ZNF846: variants seen among roughly 807,000 people sequenced by gnomAD.
The protein encoded by ZNF846 is zinc finger protein 846, also known as zinc finger protein 420 pseudogene.
Under a neutral mutation model 16.0 loss-of-function variants are expected in ZNF846, and 15 were observed. The observed-to-expected ratio is 0.94, with a 90% confidence interval of 0.63 to 1.45. ZNF846 has a LOEUF of 1.45. ZNF846 is among the 40% of genes most tolerant of loss of function. The pLI is 0.00. For synonymous variants in ZNF846, 229 were observed against 212.0 expected, an observed-to-expected ratio of 1.08 and a Z score of -0.70; for missense variants, 714 against 622.3, an observed-to-expected ratio of 1.15 and a Z score of -1.57.
At chr19:9,766,062 G>A (rs1341988346) in intron 1 of ZNF846, among the ~76,000 whole-genome samples, 2 of 152,112 alleles carry the variant, frequency 1.3e-5, no homozygotes, top group African/African-American at 2.4e-5. Context: ...GCATTATGCT[G>A]GTGAGGTGCA....
At chr19:9,758,213 C>T (rs373704864) in exon 6 of ZNF846, 1 of 1,612,964 alleles carries the variant, frequency 6.2e-7, no homozygotes, top group African/African-American at 1.3e-5. Context: ...TGAAGGCTTT[C>T]CCACACTCTT....
chr19:9,757,984 G>A (rs760353185), exon 6 of ZNF846: 2 of 1,613,582 alleles, frequency 1.2e-6, no homozygotes, highest in Non-Finnish European at 1.7e-6. Context: ...CATAAATACA[G>A]CTTCTCTCCA....
downstream of ZNF846, among the ~76,000 whole-genome samples, chr19:9,750,342 T>A (rs986813479): frequency 6.6e-6 from 1 of 152,162 alleles, no homozygotes; most frequent in Non-Finnish European, 1.5e-5. Context: ...ATGTGCTTTC[T>A]TATACACCAT....
downstream of ZNF846, among the ~76,000 whole-genome samples, chr19:9,757,185 ACT>A (rs1027084662): frequency 6.7e-6 from 1 of 149,888 alleles, no homozygotes; most frequent in Non-Finnish European, 1.5e-5. Context: ...AGAGAGAGAG[ACT>A]CTGTCTCAAA....
In ZNF846 at chr19:9,758,417, G is replaced by C. The variant is rs760471140; in HGVS notation, c.660C>G (p.His220Gln). Residue 220 changes from histidine (H) to glutamine (Q), a missense_variant, in exon 6 of 6, where the codon CAC (histidine) becomes CAG (glutamine). Physicochemically the swap from His to Gln is conservative, Grantham distance 24 (BLOSUM62 0). Transcript: ENST00000397902. ...TACATACATAGTGTTTGTCTCCATTGTGAGATCTTATATGTAACTTAAGGG... is the reference window on the plus strand; with the variant it reads ...TACATACATAGTGTTTGTCTCCATTCTGAGATCTTATATGTAACTTAAGGG... 7.6e-5 allele frequency: 122 copies of C among 1,612,930 alleles called. No homozygotes were observed. The East Asian group carries it at 2.7e-3, about 36-fold the overall frequency.
At chr19:9,768,400 T>C (rs968621526) in exon 1 of ZNF846, 1 of 152,352 alleles carries the variant, frequency 6.6e-6, no homozygotes, top group African/African-American at 2.4e-5. Flanking sequence ...GACTGGCTGC[T>C]TTTAAACAGA....
At chr19:9,777,074 GGACTATGTTT>G (rs2045451618) in intron 1 of ZNF846, among the ~76,000 whole-genome samples, 2 of 151,150 alleles carry the variant, frequency 1.3e-5, no homozygotes, top group Non-Finnish European at 2.9e-5. Flanking sequence ...CTGCTTGTTT[GGACTATGTTT>G]AAAACAATTG....
intron 1 of ZNF846, among the ~76,000 whole-genome samples, chr19:9,785,218 T>TTTG (rs1317954770): frequency 6.7e-6 from 1 of 149,748 alleles, no homozygotes; most frequent in African/African-American, 2.5e-5. Context: ...TTTTTTTTTT[T>TTTG]TTTGAGACGG....
chr19:9,761,058 G>C (rs1428156119), intron 4 of ZNF846, among the ~76,000 whole-genome samples: 2 of 151,610 alleles, frequency 1.3e-5, no homozygotes. Flanking sequence ...AATTCACCAG[G>C]CATGGTGGCG....
chr19:9,752,330 G>A (rs776528080), exon 6 of ZNF846: 66 of 194,768 alleles, frequency 3.4e-4, no homozygotes, highest in Admixed American at 1.3e-3. Context: ...TTTCAAGGGC[G>A]GGTGTGGTGG....
upstream of ZNF846, among the ~76,000 whole-genome samples, chr19:9,769,847 G>A (rs149732168): frequency 4.9e-3 from 738 of 152,106 alleles, 5 homozygotes; most frequent in African/African-American, 0.017. Context: ...CGGGTGTGGT[G>A]GTGGGCGCCT....
intron 4 of ZNF846, among the ~76,000 whole-genome samples, chr19:9,761,353 A>G (rs2045224355): frequency 6.6e-6 from 1 of 152,196 alleles, no homozygotes; most frequent in Non-Finnish European, 1.5e-5. Flanking sequence ...ATGATTAAAA[A>G]AAAAAAGAGT....
chr19:9,770,762 G>T (rs974027075), upstream of ZNF846, among the ~76,000 whole-genome samples: 1 of 151,920 alleles, frequency 6.6e-6, no homozygotes, highest in South Asian at 2.1e-4. Flanking sequence ...CCAGCTTCTC[G>T]GGAGGCTGAG....
intron 1 of ZNF846, among the ~76,000 whole-genome samples, chr19:9,782,886 C>T (rs960216930): frequency 6.6e-6 from 1 of 151,922 alleles, no homozygotes; most frequent in Admixed American, 6.6e-5. Context: ...GATCTTCTAC[C>T]TCTTCAAGCA....
chr19:9,763,074 G>C (rs1028216613), intron 3 of ZNF846, among the ~76,000 whole-genome samples: 11 of 152,024 alleles, frequency 7.2e-5, no homozygotes, highest in Non-Finnish European at 1.5e-4. Context: ...AATCCAGGAG[G>C]GGGGGCTTTG....
At chr19:9,783,436 G>A (rs1348901123) in intron 1 of ZNF846, among the ~76,000 whole-genome samples, 1 of 146,628 alleles carries the variant, frequency 6.8e-6, no homozygotes, top group Non-Finnish European at 1.5e-5. Context: ...CGCCATGTTG[G>A]CCAGGAGTTC....
At chr19:9,762,412 G>T (rs1023787023) in intron 3 of ZNF846, 1 of 360,346 alleles carries the variant, frequency 2.8e-6, no homozygotes, top group Non-Finnish European at 5.2e-6. Context: ...CCAAGGCAGG[G>T]AGATCACTTG....
downstream of ZNF846, among the ~76,000 whole-genome samples, chr19:9,754,763 T>C (rs914761562): frequency 6.6e-6 from 1 of 151,430 alleles, no homozygotes; most frequent in South Asian, 2.1e-4. Context: ...CCTCATTTCC[T>C]ACATTACTGC....
intron 1 of ZNF846, among the ~76,000 whole-genome samples, chr19:9,777,272 C>T (rs1224765567): frequency 6.6e-6 from 1 of 151,682 alleles, no homozygotes; most frequent in African/African-American, 2.4e-5. Flanking sequence ...TTTCAGGCTG[C>T]AATAAGCTGT....
Sources: gnomAD v4.1 joint callset for allele counts (sites outside exome capture counted in the v4.1 genomes callset) on GRCh38, gnomAD v4.1.1 for gene constraint, MANE v1.5 for transcripts, NCBI Gene and HGNC (gene_info 2026-07-23, HGNC 2026-07-21) for gene names.